The following SLCO3A1 variants were observed in gnomAD, a reference collection of about 807,000 sequenced individuals.
SLCO3A1 encodes the protein solute carrier organic anion transporter family member 3A1, also known as PGE1 transporter.
In SLCO3A1, 27 loss-of-function variants were observed where a neutral mutation model predicts 63.1. The observed-to-expected ratio is 0.43, with a 90% confidence interval of 0.32 to 0.59. SLCO3A1 has a LOEUF of 0.59. Ranked by LOEUF, SLCO3A1 falls within the 20% of genes least tolerant of loss-of-function variation. SLCO3A1 has a pLI of 0.09. For missense variants in SLCO3A1, 773 were observed against 945.8 expected (o/e 0.82, Z 2.40); for synonymous variants, 473 against 409.9 (o/e 1.15, Z -1.86).
rs928717359 is a variant in SLCO3A1, at chr15:91,883,461, G to T, written c.180+29373G>T. Among the ~76,000 whole-genome samples the T allele has an allele frequency of 1.3e-5, 2 of 152,186 alleles. No homozygotes were observed. The highest frequency in any genetic ancestry group is 2.9e-5 in the Non-Finnish European group (2 of 68,030). ...TCTTGCTCTGAGGCTGGGGCTCCCC[G>T]GAGGGATGTACCTCGCACTGACTGG... is the stretch of plus-strand genomic sequence containing the variant. On this transcript the variant is annotated intron_variant, in intron 1 of 9. Transcript: ENST00000318445. The surrounding 1 kb of genome is among the most constrained non-coding windows in gnomAD (Gnocchi z 4.8).
intron 2 of SLCO3A1, among the ~76,000 whole-genome samples, chr15:91,927,983 T>C (rs1899091027): frequency 1.3e-5 from 2 of 152,260 alleles, no homozygotes; most frequent in Admixed American, 1.3e-4. Context: ...AGATCTACCA[T>C]ATTGATTGAA....
In SLCO3A1 at chr15:92,033,100, T is replaced by C. The variant is rs1312719537; in HGVS notation, c.647-61781T>C. On this transcript the variant is annotated intron_variant, in intron 2 of 9. Transcript: ENST00000318445. The surrounding 1 kb of genome is among the most constrained non-coding windows in gnomAD (Gnocchi z 4.5). ...AAACTTTGTGATGCTATCTTATTTA[T>C]ATAGAATTTTAGAATTTACCAAAGA... Among the ~76,000 whole-genome samples, 1 of 152,138 alleles carries C rather than the reference T, an allele frequency of 6.6e-6. No individual in the cohort carries two copies. Among genetic ancestry groups the C allele is most frequent in the Non-Finnish European group, 1.5e-5 (1 of 68,022 alleles).
In SLCO3A1 at chr15:92,041,512, AG is replaced by A. The variant is rs534548796; in HGVS notation, c.647-53368del. Among the ~76,000 whole-genome samples, 20 of 152,342 alleles carry A rather than the reference AG, an allele frequency of 1.3e-4. No individual in the cohort carries two copies. The South Asian group carries it at 2.1e-3, about 16-fold the overall frequency. On this transcript the variant is annotated intron_variant, in intron 2 of 9. Coordinates refer to ENST00000318445, the MANE Select transcript of SLCO3A1 (RefSeq NM_013272.4). ...TGCTGTGAATTCAGGGAACAGGGAA[AG>A]CAATGGTAGACTATGCCAGCCAATG...
chr15:91,909,359 C>G (rs1267894971), intron 1 of SLCO3A1, among the ~76,000 whole-genome samples: 1 of 152,150 alleles, frequency 6.6e-6, no homozygotes, highest in Non-Finnish European at 1.5e-5. Context: ...ATGCATGCTG[C>G]TTTTGTGTTA....
intron 1 of SLCO3A1, among the ~76,000 whole-genome samples, chr15:91,890,007 A>G (rs895898666): frequency 6.6e-6 from 1 of 152,212 alleles, no homozygotes; most frequent in Admixed American, 6.5e-5. Context: ...TATTCTGCAT[A>G]TAGTTGTGTA....
At chr15:92,040,835 G>A (rs1280928424) in intron 2 of SLCO3A1, among the ~76,000 whole-genome samples, 2 of 152,164 alleles carry the variant, frequency 1.3e-5, no homozygotes, top group East Asian at 1.9e-4. Flanking sequence ...CTGTGGAGCT[G>A]TTTAAAATGA....
intron 2 of SLCO3A1, among the ~76,000 whole-genome samples, chr15:91,976,355 T>C (rs768726648): frequency 1.4e-4 from 22 of 152,256 alleles, no homozygotes; most frequent in Non-Finnish European, 2.6e-4. Flanking sequence ...AAATTAATTT[T>C]GCATGTTTCT....
chr15:92,087,780 A>G (rs1225387812), intron 2 of SLCO3A1, among the ~76,000 whole-genome samples: 2 of 152,132 alleles, frequency 1.3e-5, no homozygotes, highest in Non-Finnish European at 2.9e-5. Context: ...CGGCCTCCCA[A>G]AGTGCTGGGA....
chr15:91,951,878 C>T lies in SLCO3A1; in HGVS notation c.646+35420C>T, dbSNP rs986831686. On this transcript the variant is annotated intron_variant, in intron 2 of 9. Coordinates refer to ENST00000318445, the MANE Select transcript of SLCO3A1 (RefSeq NM_013272.4). Reference sequence around the variant, plus strand: ...CCTTGTGTATAATTTTCTGTGCGAACGTGCATTTTTGATTCTCTTTTGTAT... The same window carrying T: ...CCTTGTGTATAATTTTCTGTGCGAATGTGCATTTTTGATTCTCTTTTGTAT... Among the ~76,000 whole-genome samples, 12 of 152,272 alleles carry T rather than the reference C, an allele frequency of 7.9e-5. No individual in the cohort carries two copies. The South Asian group carries it at 1.5e-3, about 18-fold the overall frequency.
At chr15:91,874,066 T>C (rs1282735219) in intron 1 of SLCO3A1, among the ~76,000 whole-genome samples, 1 of 152,180 alleles carries the variant, frequency 6.6e-6, no homozygotes, top group Non-Finnish European at 1.5e-5. Flanking sequence ...TGGATAGTAC[T>C]AAATGCTATA....
intron 3 of SLCO3A1, among the ~76,000 whole-genome samples, chr15:92,103,060 G>T (rs866940672): frequency 6.6e-6 from 1 of 152,174 alleles, no homozygotes; most frequent in Non-Finnish European, 1.5e-5. Context: ...CTCAATAAAC[G>T]ATGGCTGGCC....
chr15:91,911,588 ATATC>A (rs975237419), intron 1 of SLCO3A1, among the ~76,000 whole-genome samples: 10 of 152,296 alleles, frequency 6.6e-5, no homozygotes, highest in African/African-American at 2.2e-4. Flanking sequence ...ACGCATATCT[ATATC>A]TATCTATATA....
chr15:91,955,463 G>A (rs1302446030), intron 2 of SLCO3A1, among the ~76,000 whole-genome samples: 2 of 152,006 alleles, frequency 1.3e-5, no homozygotes, highest in Non-Finnish European at 2.9e-5. Flanking sequence ...CTCTCTAGTA[G>A]CTGGGACTAC....
intron 2 of SLCO3A1, among the ~76,000 whole-genome samples, chr15:92,076,724 T>C (rs1387471966): frequency 6.6e-6 from 1 of 152,230 alleles, no homozygotes. Flanking sequence ...AGGGAGGCCC[T>C]GAGCCAGGTC....
chr15:91,951,458 T>C (rs1597150319), intron 2 of SLCO3A1, among the ~76,000 whole-genome samples: 2 of 152,338 alleles, frequency 1.3e-5, no homozygotes, highest in South Asian at 4.1e-4. Flanking sequence ...TATTCATCGG[T>C]CAGTGAACAT....
At chr15:91,981,923 C>T (rs1010309118) in intron 2 of SLCO3A1, among the ~76,000 whole-genome samples, 1 of 152,270 alleles carries the variant, frequency 6.6e-6, no homozygotes, top group African/African-American at 2.4e-5. Context: ...AAAGCAGCTG[C>T]TTGCTGGTGA....
intron 7 of SLCO3A1, among the ~76,000 whole-genome samples, chr15:92,143,253 A>G (rs1567142517): frequency 7.2e-6 from 1 of 139,682 alleles, no homozygotes; most frequent in Non-Finnish European, 1.5e-5. Flanking sequence ...CCACTGCAGT[A>G]ATCAAAGATG....
At chr15:92,034,197 G>A (rs540912394) in intron 2 of SLCO3A1, among the ~76,000 whole-genome samples, 18 of 151,680 alleles carry the variant, frequency 1.2e-4, no homozygotes, top group East Asian at 3.9e-4. Flanking sequence ...ACTTGGGGCC[G>A]GGGATAGCAC....
At chr15:92,018,689 G>T (rs921679497) in intron 2 of SLCO3A1, among the ~76,000 whole-genome samples, 1 of 152,196 alleles carries the variant, frequency 6.6e-6, no homozygotes, top group Non-Finnish European at 1.5e-5. Flanking sequence ...CACCAGGAGT[G>T]GGGAGCCTGT....
Sources: allele counts gnomAD v4.1 joint callset (sites outside exome capture counted in the v4.1 genomes callset), GRCh38; gene constraint gnomAD v4.1.1; non-coding constraint Gnocchi (gnomAD v3.1); transcripts MANE v1.5; gene names NCBI Gene and HGNC (gene_info 2026-07-23, HGNC 2026-07-21).